The following HECW1 variants were observed in gnomAD, a reference collection of about 807,000 sequenced individuals.
HECW1 encodes the protein HECT, C2 and WW domain containing E3 ubiquitin protein ligase 1, also known as E3 ubiquitin-protein ligase HECW1.
In HECW1, 61 loss-of-function variants were observed where a neutral mutation model predicts 182.3. That is an observed-to-expected ratio of 0.33 (90% confidence interval 0.27 to 0.41). The LOEUF is 0.41. HECW1 is among the 10% of genes least tolerant of loss of function. The probability of loss-of-function intolerance (pLI) is 1.00; values close to 1 mark genes in which losing one functional copy is unlikely to be tolerated. For synonymous variants in HECW1, 859 were observed against 832.6 expected (o/e 1.03, Z -0.55); for missense variants, 1,739 against 2,108.9 (o/e 0.82, Z 3.44).
intron 24 of HECW1, among the ~76,000 whole-genome samples, chr7:43,516,370 G>T (rs1376545652): frequency 6.6e-6 from 1 of 152,068 alleles, no homozygotes; most frequent in African/African-American, 2.4e-5. Flanking sequence ...TGGTTAATGA[G>T]AATTTTTATC....
chr7:43,211,284 A>G (rs1342737867), intron 2 of HECW1, among the ~76,000 whole-genome samples: 2 of 152,112 alleles, frequency 1.3e-5, no homozygotes, highest in Admixed American at 1.3e-4. Context: ...TCCAACCTTT[A>G]CCATTTTATG....
intron 2 of HECW1, among the ~76,000 whole-genome samples, chr7:43,203,106 C>T (rs369259091): frequency 8.5e-5 from 13 of 152,242 alleles, no homozygotes; most frequent in East Asian, 1.9e-4. Context: ...GACACTCAGG[C>T]GATCTGCCTG....
At chr7:43,265,951 G>C (rs537823189) in intron 3 of HECW1, among the ~76,000 whole-genome samples, 7 of 146,722 alleles carry the variant, frequency 4.8e-5, no homozygotes, top group Non-Finnish European at 8.9e-5. Context: ...GGAAACTTGA[G>C]GGGGGGTGTG....
At chr7:43,152,267 G>C (rs1044143570) in intron 2 of HECW1, among the ~76,000 whole-genome samples, 1 of 152,182 alleles carries the variant, frequency 6.6e-6, no homozygotes, top group Admixed American at 6.5e-5. Flanking sequence ...ACAAATACAA[G>C]TGAAAGATAG....
At chr7:43,376,299 C>G (rs768918420) in intron 6 of HECW1, among the ~76,000 whole-genome samples, 1 of 152,070 alleles carries the variant, frequency 6.6e-6, no homozygotes, top group East Asian at 1.9e-4. Flanking sequence ...CACCACCCAA[C>G]GAGCCTCAGG....
At chr7:43,525,421 G>A (rs981561701) in intron 24 of HECW1, among the ~76,000 whole-genome samples, 1 of 152,096 alleles carries the variant, frequency 6.6e-6, no homozygotes, top group Non-Finnish European at 1.5e-5. Context: ...GTATAAAGAC[G>A]TCTTTCTGTT....
chr7:43,308,026 ATT>A (rs1160923646), intron 3 of HECW1, among the ~76,000 whole-genome samples: 1 of 118,682 alleles, frequency 8.4e-6, no homozygotes, highest in East Asian at 2.1e-4. Flanking sequence ...TATATAATAT[ATT>A]ATATATTATA....
chr7:43,437,948 T>A (rs757383897), intron 8 of HECW1, 55 bp from the exon 9 acceptor site: 161 of 1,585,356 alleles, frequency 1.0e-4, no homozygotes, highest in Non-Finnish European at 1.3e-4. Flanking sequence ...GGACTGGGAA[T>A]TGACCAGCCC....
chr7:43,167,103 C>T (rs945238298), intron 2 of HECW1, among the ~76,000 whole-genome samples: 1 of 152,182 alleles, frequency 6.6e-6, no homozygotes, highest in Admixed American at 6.5e-5. Flanking sequence ...CCTAAAGCAA[C>T]AGGAATTTAT....
At chr7:43,143,737 A>G (rs777121604) in intron 2 of HECW1, among the ~76,000 whole-genome samples, 31 of 152,196 alleles carry the variant, frequency 2.0e-4, no homozygotes, top group Non-Finnish European at 4.3e-4. Context: ...CGCTTGTTCA[A>G]CCTGCAAAAT....
chr7:43,397,526 G>A (rs2075270798), intron 7 of HECW1, among the ~76,000 whole-genome samples: 1 of 152,182 alleles, frequency 6.6e-6, no homozygotes, highest in African/African-American at 2.4e-5. Context: ...GCAAAGGGTG[G>A]TGGGATTATC....
Position 43,274,169 on chromosome 7 carries a change from C to T in HECW1, c.27+30237C>T, listed in dbSNP as rs182815270. The T allele has an allele frequency of 2.8e-3, 1,248 of 440,338 alleles. 2 individuals are homozygous for T. Among genetic ancestry groups the T allele is most frequent in the Non-Finnish European group, 3.9e-3 (973 of 250,954 alleles). The allele number at this position is 440,338 out of a possible 1,614,324, so 27.3% of individuals were successfully genotyped here. A position where few individuals can be genotyped will look rare whatever the true frequency, so the allele number is the denominator to read the frequency against. On this transcript the variant is annotated intron_variant, in intron 3 of 29. Coordinates refer to ENST00000395891, the MANE Select transcript of HECW1 (RefSeq NM_015052.5). ...CACGGAAAGGACGCCATGAAGGCCT[C>T]GGGTGCACTAAAAGAGTACAAGGTG...
At chr7:43,201,053 T>C (rs1794980167) in intron 2 of HECW1, among the ~76,000 whole-genome samples, 1 of 152,134 alleles carries the variant, frequency 6.6e-6, no homozygotes, top group African/African-American at 2.4e-5. Flanking sequence ...GAAGGATATT[T>C]GTGATAGGGG....
intron 24 of HECW1, among the ~76,000 whole-genome samples, chr7:43,513,360 C>T (rs994885164): frequency 6.6e-6 from 1 of 152,224 alleles, no homozygotes; most frequent in Admixed American, 6.5e-5. Flanking sequence ...TCACACTGCA[C>T]GTGGTCCTGC....
At chr7:43,490,390 T>G (rs1051390272) in intron 17 of HECW1, among the ~76,000 whole-genome samples, 1 of 152,238 alleles carries the variant, frequency 6.6e-6, no homozygotes, top group Non-Finnish European at 1.5e-5. Context: ...CACCATTCTT[T>G]GATCAATTAA....
At chr7:43,197,209 GA>G (rs1012662365) in intron 2 of HECW1, among the ~76,000 whole-genome samples, 5 of 149,474 alleles carry the variant, frequency 3.3e-5, no homozygotes, top group African/African-American at 7.4e-5. Context: ...GAAAGATGAG[GA>G]AAAAAAAAGG....
chr7:43,466,273 A>G (rs1304110830), intron 14 of HECW1, among the ~76,000 whole-genome samples, 174 bp from the exon 15 acceptor site: 2 of 152,240 alleles, frequency 1.3e-5, no homozygotes, highest in African/African-American at 4.8e-5. Context: ...GCGAAACACT[A>G]CTAAGGAAAT....
intron 6 of HECW1, among the ~76,000 whole-genome samples, chr7:43,391,071 A>C (rs1316209323): frequency 6.6e-6 from 1 of 152,208 alleles, no homozygotes; most frequent in African/African-American, 2.4e-5. Context: ...AGGAGACAAG[A>C]TAAGGGTAAT....
intron 8 of HECW1, among the ~76,000 whole-genome samples, chr7:43,433,011 T>C (rs1034203508): frequency 4.6e-5 from 7 of 152,202 alleles, no homozygotes; most frequent in African/African-American, 1.4e-4. Flanking sequence ...TTGAAGATGA[T>C]AGGAGCACAT....
Sources: gnomAD v4.1 joint callset for allele counts (sites outside exome capture counted in the v4.1 genomes callset) on GRCh38, gnomAD v4.1.1 for gene constraint, MANE v1.5 for transcripts, NCBI Gene and HGNC (gene_info 2026-07-23, HGNC 2026-07-21) for gene names.